The following SMYD3 variants were observed in gnomAD, a reference collection of about 807,000 sequenced individuals.
The protein encoded by SMYD3 is histone-lysine N-methyltransferase SMYD3.
In SMYD3, 36 loss-of-function variants were observed where a neutral mutation model predicts 57.7. The observed-to-expected ratio is 0.62, with a 90% CI of 0.48 to 0.82. The LOEUF (loss-of-function observed/expected upper bound fraction) is 0.82, where lower values mean the gene tolerates loss of function less well. SMYD3 is among the 40% of genes least tolerant of loss of function. The pLI, the probability that SMYD3 is intolerant of heterozygous loss-of-function variation, is 0.00. For synonymous variants in SMYD3, 211 were observed against 195.0 expected, an observed-to-expected ratio of 1.08 and a Z score of -0.68; for missense variants, 515 against 538.8, an observed-to-expected ratio of 0.96 and a Z score of 0.44.
At chr1:245,815,799 C>T (rs1558377497) in intron 10 of SMYD3, among the ~76,000 whole-genome samples, 2 of 152,196 alleles carry the variant, frequency 1.3e-5, no homozygotes, top group African/African-American at 2.4e-5. Flanking sequence ...GCTGTTTTTA[C>T]AAACTGAGAA....
At chr1:246,372,876 C>G (rs1330060319) in intron 1 of SMYD3, among the ~76,000 whole-genome samples, 2 of 152,116 alleles carry the variant, frequency 1.3e-5, no homozygotes, top group Non-Finnish European at 2.9e-5. Flanking sequence ...CCAACATGCT[C>G]TCAAGTATGA....
At position 246,506,978 on chromosome 1, in the gene SMYD3, G is replaced by GCCCCCCCCACCCCCCCCCCCCCCCCC; in HGVS notation, c.164+75_164+76insGGGGGGGGGGGGGGGGGTGGGGGGGG. Reference sequence around the variant, plus strand: ...ATCCAGCAGGAGTCCCGCGGCTGCCGGCCGCCCGACGCCCCCCCCTCCCCA... The same window carrying GCCCCCCCCACCCCCCCCCCCCCCCCC: ...ATCCAGCAGGAGTCCCGCGGCTGCCGCCCCCCCCACCCCCCCCCCCCCCCCCGCCGCCCGACGCCCCCCCCTCCCCA... On this transcript the variant is annotated intron_variant, in intron 1 of 11. Coordinates refer to ENST00000490107, the MANE Select transcript of SMYD3 (RefSeq NM_001167740.2). 7.7e-6 allele frequency: 9 copies of GCCCCCCCCACCCCCCCCCCCCCCCCC among 1,174,502 alleles called. No individual in the cohort carries two copies. In the East Asian group the frequency reaches 1.1e-4, roughly 14 times the overall value. The allele number at this position is 1,174,502 out of a possible 1,614,324, so 72.8% of individuals were successfully genotyped here.
intron 5 of SMYD3, among the ~76,000 whole-genome samples, chr1:246,315,966 AT>A (rs1409506963): frequency 6.6e-6 from 1 of 152,222 alleles, no homozygotes; most frequent in African/African-American, 2.4e-5. Flanking sequence ...CTATTACAAA[AT>A]TTAATAGAGC....
At chr1:245,811,562 A>C (rs2048472629) in intron 10 of SMYD3, among the ~76,000 whole-genome samples, 1 of 152,212 alleles carries the variant, frequency 6.6e-6, no homozygotes, top group Admixed American at 6.5e-5. Flanking sequence ...TTTTTGGAAC[A>C]GTTAATGATC....
chr1:246,105,016 G>A (rs1296383723), intron 5 of SMYD3, among the ~76,000 whole-genome samples: 2 of 152,190 alleles, frequency 1.3e-5, no homozygotes, highest in Non-Finnish European at 2.9e-5. Flanking sequence ...AGCCAAAGAG[G>A]AGGGTGGCAG....
chr1:246,290,488 A>C (rs1489074069), intron 5 of SMYD3, among the ~76,000 whole-genome samples: 1 of 152,210 alleles, frequency 6.6e-6, no homozygotes, highest in Non-Finnish European at 1.5e-5. Flanking sequence ...TGTAAAAACC[A>C]TTCCTTGTCT....
chr1:246,140,902 A>C (rs990554951), intron 5 of SMYD3, among the ~76,000 whole-genome samples: 1 of 152,194 alleles, frequency 6.6e-6, no homozygotes, highest in African/African-American at 2.4e-5. Flanking sequence ...GCTGGAAGGA[A>C]ATGCGTTTCA....
At chr1:246,393,079 C>T (rs1467931997) in intron 1 of SMYD3, among the ~76,000 whole-genome samples, 1 of 152,016 alleles carries the variant, frequency 6.6e-6, no homozygotes, top group Non-Finnish European at 1.5e-5. Flanking sequence ...GGTAGTCCCA[C>T]AAATCGTTAA....
chr1:246,174,270 T>C (rs950052551), intron 5 of SMYD3, among the ~76,000 whole-genome samples: 2 of 152,164 alleles, frequency 1.3e-5, no homozygotes, highest in South Asian at 2.1e-4. Flanking sequence ...GGCAGTACCG[T>C]AGGGTTTTTA....
chr1:246,331,667 C>T (rs1026199550), intron 3 of SMYD3, among the ~76,000 whole-genome samples: 1 of 152,190 alleles, frequency 6.6e-6, no homozygotes, highest in African/African-American at 2.4e-5. Context: ...CACAGGCATA[C>T]CTCATTTTAT....
At chr1:246,391,122 A>G (rs952400200) in intron 1 of SMYD3, among the ~76,000 whole-genome samples, 2 of 151,190 alleles carry the variant, frequency 1.3e-5, no homozygotes, top group African/African-American at 2.4e-5. Context: ...GCGATGGCTC[A>G]TGTCTATAAT....
chr1:246,411,418 G>A (rs561541746), intron 1 of SMYD3, among the ~76,000 whole-genome samples: 42 of 152,238 alleles, frequency 2.8e-4, no homozygotes, highest in African/African-American at 9.4e-4. Context: ...TCAGTGTGGC[G>A]ATTCCTCAGG....
At chr1:246,169,415 T>C (rs969804736) in intron 5 of SMYD3, among the ~76,000 whole-genome samples, 2 of 87,820 alleles carry the variant, frequency 2.3e-5, no homozygotes, top group Admixed American at 1.2e-4. Flanking sequence ...CCTCTAACAA[T>C]ATATGTGAAA....
At chr1:246,286,430 C>A (rs2064564962) in intron 5 of SMYD3, among the ~76,000 whole-genome samples, 1 of 152,138 alleles carries the variant, frequency 6.6e-6, no homozygotes, top group Non-Finnish European at 1.5e-5. Flanking sequence ...AGGGAAGTCC[C>A]AATTTCTTTA....
chr1:245,898,451 G>T (rs574515059), intron 8 of SMYD3, among the ~76,000 whole-genome samples: 2 of 152,162 alleles, frequency 1.3e-5, no homozygotes, highest in East Asian at 3.9e-4. Flanking sequence ...TGTTAGGGTC[G>T]CAACTAGAGA....
intron 10 of SMYD3, among the ~76,000 whole-genome samples, chr1:245,837,055 T>C (rs572874461): frequency 4.6e-5 from 7 of 152,190 alleles, no homozygotes; most frequent in African/African-American, 1.4e-4. Flanking sequence ...TCAGAAGAGA[T>C]GCCAGTAGTT....
chr1:246,106,601 C>T (rs963969441), intron 5 of SMYD3, among the ~76,000 whole-genome samples: 16 of 152,112 alleles, frequency 1.1e-4, no homozygotes, highest in African/African-American at 2.7e-4. Flanking sequence ...CCTAATATAC[C>T]GAGGTGCCAC....
intron 2 of SMYD3, 84 bp from the exon 3 acceptor site, chr1:246,335,558 A>G (rs2065529690): frequency 9.4e-7 from 1 of 1,063,088 alleles, no homozygotes; most frequent in Admixed American, 1.9e-5. Context: ...AGAGTCATAA[A>G]CATTAAATTT....
At chr1:246,453,149 A>G (rs939795507) in intron 1 of SMYD3, among the ~76,000 whole-genome samples, 2 of 152,218 alleles carry the variant, frequency 1.3e-5, no homozygotes, top group African/African-American at 4.8e-5. Flanking sequence ...TTACAGAGGG[A>G]GAGAGCAAGG....
Sources: gnomAD v4.1 joint callset for allele counts (sites outside exome capture counted in the v4.1 genomes callset) on GRCh38, gnomAD v4.1.1 for gene constraint, MANE v1.5 for transcripts, NCBI Gene and HGNC (gene_info 2026-07-23, HGNC 2026-07-21) for gene names.